The following NALCN variants were observed in gnomAD, a reference collection of about 807,000 sequenced individuals.
NALCN encodes sodium leak channel NALCN.
A neutral mutation model predicts 225.3 loss-of-function variants in NALCN; 111 were observed. That is an observed-to-expected ratio of 0.49 (90% CI 0.42 to 0.58). The LOEUF (loss-of-function observed/expected upper bound fraction) is 0.58, where lower values mean the gene tolerates loss of function less well. NALCN is among the 20% of genes least tolerant of loss of function. NALCN has a pLI of 0.00. For missense variants in NALCN, 1,378 were observed against 2,202.4 expected, an observed-to-expected ratio of 0.63 and a Z score of 7.49; for synonymous variants, 764 against 769.0, an observed-to-expected ratio of 0.99 and a Z score of 0.11.
intron 7 of NALCN, among the ~76,000 whole-genome samples, chr13:101,301,212 A>G (rs1400952361): frequency 2.0e-5 from 3 of 152,190 alleles, no homozygotes; most frequent in Non-Finnish European, 4.4e-5. Context: ...TGTAGGTACT[A>G]CAGCAGAACA....
intron 9 of NALCN, among the ~76,000 whole-genome samples, chr13:101,289,985 C>T (rs918411178): frequency 6.6e-6 from 1 of 152,178 alleles, no homozygotes; most frequent in Admixed American, 6.5e-5. Flanking sequence ...CAGAGGCTGA[C>T]AGCAGGAGCT....
chr13:101,311,375 T>G (rs2044339186), intron 7 of NALCN, among the ~76,000 whole-genome samples: 1 of 151,610 alleles, frequency 6.6e-6, no homozygotes, highest in Non-Finnish European at 1.5e-5. Context: ...CTAATTGCCC[T>G]GGCCAGGACT....
intron 15 of NALCN, among the ~76,000 whole-genome samples, chr13:101,155,932 T>C (rs1022015983): frequency 2.6e-5 from 4 of 152,220 alleles, no homozygotes; most frequent in African/African-American, 9.6e-5. Flanking sequence ...ATTATTCTAT[T>C]ATTTCTATTT....
At position 101,272,707 on chromosome 13, in the gene NALCN, C is replaced by T. The variant is rs544003517; in HGVS notation, c.1134+11226G>A. On this transcript the variant is annotated intron_variant, in intron 10 of 43. Coordinates refer to ENST00000251127, the MANE Select transcript of NALCN (RefSeq NM_052867.4). The stretch of plus-strand genomic sequence containing the variant: ...GTTGGTTTGGAGGTTTCTGGAAATG[C>T]AGGGAAAACCTAGTTTCTTTGTGGG... Among the ~76,000 whole-genome samples the T allele has an allele frequency of 5.6e-4, 85 of 152,248 alleles. 1 individual carries two copies. The highest frequency in any genetic ancestry group is 2.0e-3 in the African/African-American group (83 of 41,562).
chr13:101,297,429 T>G (rs117597248), intron 7 of NALCN, among the ~76,000 whole-genome samples: 2 of 152,182 alleles, frequency 1.3e-5, no homozygotes, highest in Non-Finnish European at 2.9e-5. Context: ...CAAAGAGGAT[T>G]TATTTTATGA....
In NALCN at chr13:101,221,309, G is replaced by A. The variant is rs142510148; in HGVS notation, c.1626+8084C>T. Among the ~76,000 whole-genome samples, 1,116 of 152,180 alleles carry A rather than the reference G, an allele frequency of 7.3e-3. 15 individuals carry two copies. Among genetic ancestry groups the A allele is most frequent in the African/African-American group, 0.026 (1,078 of 41,502 alleles). On this transcript the variant is annotated intron_variant, in intron 13 of 43. Transcript: ENST00000251127. ...AATTTTTGTGTTTTTAGTAGAGACA[G>A]GGTTCCACCATGTTGGCCAGGATGG...
intron 3 of NALCN, among the ~76,000 whole-genome samples, chr13:101,390,462 A>G (rs1363505076): frequency 2.0e-5 from 3 of 152,102 alleles, no homozygotes; most frequent in Admixed American, 1.3e-4. Context: ...GAAAGGAAAG[A>G]CCAAACCATA....
At chr13:101,221,969 C>T (rs1046202068) in intron 13 of NALCN, among the ~76,000 whole-genome samples, 2 of 152,142 alleles carry the variant, frequency 1.3e-5, no homozygotes, top group Non-Finnish European at 1.5e-5. Flanking sequence ...TCACTCCCAC[C>T]CCAGACCTTT....
In NALCN at chr13:101,256,071, G is replaced by A. The variant is rs540606525; in HGVS notation, c.1266+2372C>T. On this transcript the variant is annotated intron_variant, in intron 11 of 43. Coordinates refer to ENST00000251127, the MANE Select transcript of NALCN (RefSeq NM_052867.4). ...ATGTCCATGTGAAGACTCAGCCAGC[G>A]CCTTAGCTTCAACAGTCGTTTCCAT... is the stretch of plus-strand genomic sequence containing the variant. Among the ~76,000 whole-genome samples, 148 of 152,216 alleles carry A rather than the reference G, an allele frequency of 9.7e-4. 1 individual carries two copies. The highest frequency in any genetic ancestry group is 6.8e-3 in the Middle Eastern group (2 of 294).
chr13:101,145,279 A>T (rs1014751561), intron 15 of NALCN, among the ~76,000 whole-genome samples: 10 of 152,216 alleles, frequency 6.6e-5, no homozygotes, highest in African/African-American at 2.2e-4. Flanking sequence ...AAAAATTTTT[A>T]AAAACCATGA....
intron 6 of NALCN, among the ~76,000 whole-genome samples, chr13:101,375,947 T>C (rs2046677192): frequency 6.6e-6 from 1 of 152,014 alleles, no homozygotes; most frequent in African/African-American, 2.4e-5. Flanking sequence ...GAGTTGTATA[T>C]TAACAATGAT....
chr13:101,109,764 A>AT (rs1486646377), intron 20 of NALCN, among the ~76,000 whole-genome samples: 15 of 151,960 alleles, frequency 9.9e-5, no homozygotes, highest in Admixed American at 9.8e-4. Context: ...GCTTCTCTGC[A>AT]TTTTTTTCAT....
intron 10 of NALCN, among the ~76,000 whole-genome samples, chr13:101,266,576 GAGTAAAACAACTCAACTT>G (rs1197113425): frequency 6.6e-6 from 1 of 152,160 alleles, no homozygotes; most frequent in African/African-American, 2.4e-5. Context: ...CTGCTTGAGT[GAGTAAAACAACTCAACTT>G]AGTAAAACAA....
At chr13:101,329,038 T>C (rs771333045) in intron 7 of NALCN, among the ~76,000 whole-genome samples, 1 of 152,068 alleles carries the variant, frequency 6.6e-6, no homozygotes, top group Non-Finnish European at 1.5e-5. Context: ...ACACCTGGGG[T>C]TGATGTGAGG....
At chr13:101,157,750 CT>C (rs11322942) in intron 15 of NALCN, among the ~76,000 whole-genome samples, 44,276 of 138,522 alleles carry the variant, frequency 0.32, 6,829 homozygotes, top group East Asian at 0.44. Context: ...GGGACATGGT[CT>C]TTTTTTTTTT....
rs1240267388 is a variant in NALCN at position 101,211,179 on chromosome 13, C to A, written c.1626+18214G>T. On this transcript the variant is annotated intron_variant, in intron 13 of 43. Transcript: ENST00000251127. ...GACAATACTTTTCATTAATGACTTT[C>A]ATTTATTTTTAAAATTTGAACAATG... Among the ~76,000 whole-genome samples, 4 of 152,046 alleles carry A rather than the reference C, an allele frequency of 2.6e-5. No individual in the cohort carries two copies. The South Asian group carries it at 8.3e-4, about 32-fold the overall frequency.
chr13:101,332,689 G>A (rs564551167), intron 7 of NALCN, among the ~76,000 whole-genome samples: 1 of 152,230 alleles, frequency 6.6e-6, no homozygotes, highest in African/African-American at 2.4e-5. Context: ...AAATAAAAAC[G>A]TAATTCTCTA....
At chr13:101,237,323 A>G (rs2041598196) in intron 12 of NALCN, among the ~76,000 whole-genome samples, 1 of 152,054 alleles carries the variant, frequency 6.6e-6, no homozygotes, top group Non-Finnish European at 1.5e-5. Flanking sequence ...TTCATTATAA[A>G]CCGTTGTTGA....
chr13:101,088,970 T>G (rs1566799991), intron 30 of NALCN, among the ~76,000 whole-genome samples: 2 of 151,376 alleles, frequency 1.3e-5, no homozygotes, highest in African/African-American at 4.9e-5. Context: ...TGATCTCGGC[T>G]CACTGCAACC....
Sources: allele counts gnomAD v4.1 joint callset (sites outside exome capture counted in the v4.1 genomes callset), GRCh38; gene constraint gnomAD v4.1.1; transcripts MANE v1.5; gene names NCBI Gene and HGNC (gene_info 2026-07-23, HGNC 2026-07-21).